AGPAT4: variants seen among roughly 807,000 people sequenced by gnomAD.
AGPAT4 encodes the protein 1-acyl-sn-glycerol-3-phosphate acyltransferase delta.
AGPAT4 carries 15 observed loss-of-function variants against 48.0 expected under a neutral mutation model. The observed-to-expected ratio is 0.31, with a 90% CI of 0.21 to 0.48. The LOEUF (loss-of-function observed/expected upper bound fraction) is 0.48. AGPAT4 is among the 20% of genes least tolerant of loss of function. The pLI, the probability that AGPAT4 is intolerant of heterozygous loss-of-function variation, is 0.99. For synonymous variants in AGPAT4, 178 were observed against 198.7 expected, an observed-to-expected ratio of 0.90 and a Z score of 0.88; for missense variants, 314 against 482.5, an observed-to-expected ratio of 0.65 and a Z score of 3.27.
intron 2 of AGPAT4, among the ~76,000 whole-genome samples, chr6:161,210,708 T>C (rs1781499273): frequency 6.6e-6 from 1 of 152,226 alleles, no homozygotes; most frequent in African/African-American, 2.4e-5. Context: ...AGCATATATT[T>C]TTGTTTGCAT....
chr6:161,197,701 G>C lies in AGPAT4; in HGVS notation c.179-31284C>G, dbSNP rs1330672741. ...AGAAGGACTGGACAGGTGGAAGGGT[G>C]GGAGGCTAGAAGGAGAGCCTGGGAA... is the stretch of plus-strand genomic sequence containing the variant. On this transcript the variant is annotated intron_variant, in intron 2 of 8. Transcript: ENST00000320285. The surrounding 1 kb of genome is among the most constrained non-coding windows in gnomAD (Gnocchi z 5.7). 1.3e-5 allele frequency among the ~76,000 whole-genome samples: 2 copies of C among 152,168 alleles called. No homozygotes were observed. The highest frequency in any genetic ancestry group is 2.9e-5 in the Non-Finnish European group (2 of 68,024).
rs896816326 is a variant in AGPAT4 at position 161,136,771 on chromosome 6, A to G, written c.1043-137T>C. On this transcript the variant is annotated intron_variant, in intron 8 of 8. Coordinates refer to ENST00000320285, the MANE Select transcript of AGPAT4 (RefSeq NM_020133.3). ...AGCTGGCTGGCGGGTTTGAGGTGCCATCATCCTGCCGGCTTTACAATCATC... is the reference window on the plus strand; with the variant it reads ...AGCTGGCTGGCGGGTTTGAGGTGCCGTCATCCTGCCGGCTTTACAATCATC... 1.0e-4 allele frequency: 68 copies of G among 677,858 alleles called. 1 individual carries two copies. The highest frequency in any genetic ancestry group is 5.8e-4 in the Middle Eastern group (2 of 3,446). The allele number at this position is 677,858 out of a possible 1,614,324, so 42.0% of individuals were successfully genotyped here.
At position 161,221,307 on chromosome 6, in the gene AGPAT4, C is replaced by A. The variant is rs1583342699; in HGVS notation, c.178+10729G>T. 6.6e-6 allele frequency among the ~76,000 whole-genome samples: 1 copy of A among 152,124 alleles called. No homozygotes were observed. Among genetic ancestry groups the A allele is most frequent in the Admixed American group, 6.5e-5 (1 of 15,278 alleles). ...TACAGTTTGTCACCTTCCTCCACGT[C>A]CAATGTCACCAGCCAGCCGCACTTT... On this transcript the variant is annotated intron_variant, in intron 2 of 8. Coordinates refer to ENST00000320285, the MANE Select transcript of AGPAT4 (RefSeq NM_020133.3). The surrounding 1 kb of genome is among the most constrained non-coding windows in gnomAD (Gnocchi z 4.5).
Position 161,204,718 on chromosome 6 carries a change from T to A in AGPAT4, c.178+27318A>T, listed in dbSNP as rs1160554927. On this transcript the variant is annotated intron_variant, in intron 2 of 8. Coordinates refer to ENST00000320285, the MANE Select transcript of AGPAT4 (RefSeq NM_020133.3). This position sits in a 1 kb window ranked among gnomAD's most constrained non-coding sequence, Gnocchi z 4.4. ...GTTCCCTAAATTCACAGAATATGAG[T>A]GCTACAGTGCCAAGCAGAGAGGATA... is the stretch of plus-strand genomic sequence containing the variant. Among the ~76,000 whole-genome samples, 4 of 151,916 alleles carry A rather than the reference T, an allele frequency of 2.6e-5. No individual in the cohort carries two copies. The highest frequency in any genetic ancestry group is 4.4e-5 in the Non-Finnish European group (3 of 67,994).
At chr6:161,170,469 GCGCGCACACACACA>G (rs1382202647) in intron 2 of AGPAT4, among the ~76,000 whole-genome samples, 1,398 of 121,558 alleles carry the variant, frequency 0.012, 7 homozygotes, top group African/African-American at 0.016. Context: ...ACACGTGCGC[GCGCGCACACACACA>G]CACACACACA....
chr6:161,153,591 G>C, intron 4 of AGPAT4, 92 bp from the exon 5 acceptor site: 1 of 1,454,398 alleles, frequency 6.9e-7, no homozygotes, highest in Non-Finnish European at 9.3e-7. Context: ...ACAGCCCCAG[G>C]GTCACATATG....
intron 2 of AGPAT4, among the ~76,000 whole-genome samples, chr6:161,187,512 T>C (rs1490532331): frequency 1.6e-5 from 1 of 62,672 alleles, no homozygotes; most frequent in Non-Finnish European, 5.4e-5. Flanking sequence ...CCCATTTATT[T>C]ATTTATTTAT....
chr6:161,166,904 C>T lies in AGPAT4; in HGVS notation c.179-487G>A. On this transcript the variant is annotated intron_variant, in intron 2 of 8. Coordinates refer to ENST00000320285, the MANE Select transcript of AGPAT4 (RefSeq NM_020133.3). The surrounding 1 kb of genome is among the most constrained non-coding windows in gnomAD (Gnocchi z 6.7). Reference sequence around the variant, plus strand: ...GAATGGAGAACGGCAGATCCAGCCGCAGGAGCCCCAGCACCTGCAGGGCAG... The same window carrying T: ...GAATGGAGAACGGCAGATCCAGCCGTAGGAGCCCCAGCACCTGCAGGGCAG... Among the ~76,000 whole-genome samples the T allele has an allele frequency of 6.6e-6, 1 of 152,168 alleles. No homozygotes were observed. Among genetic ancestry groups the T allele is most frequent in the Admixed American group, 6.5e-5 (1 of 15,280 alleles).
At chr6:161,179,249 T>C (rs1282123839) in intron 2 of AGPAT4, among the ~76,000 whole-genome samples, 2 of 152,152 alleles carry the variant, frequency 1.3e-5, no homozygotes, top group Non-Finnish European at 2.9e-5. Flanking sequence ...CCCCCAGAGT[T>C]AGGACGTGTG....
At chr6:161,188,618 TA>T (rs1303785412) in intron 2 of AGPAT4, among the ~76,000 whole-genome samples, 1 of 152,202 alleles carries the variant, frequency 6.6e-6, no homozygotes, top group Non-Finnish European at 1.5e-5. Context: ...GGACACATAC[TA>T]AAAAATCATG....
At chr6:161,151,598 T>C (rs1779594569) in intron 5 of AGPAT4, among the ~76,000 whole-genome samples, 3 of 152,242 alleles carry the variant, frequency 2.0e-5, no homozygotes, top group African/African-American at 7.2e-5. Flanking sequence ...ATGTTTATCA[T>C]GTACCAGGTG....
rs138231298 is a variant in AGPAT4 at position 161,198,109 on chromosome 6, CAT to C, written c.179-31694_179-31693del. Among the ~76,000 whole-genome samples the C allele has an allele frequency of 0.013, 2,042 of 152,256 alleles. 50 individuals carry two copies. Among genetic ancestry groups the C allele is most frequent in the African/African-American group, 0.047 (1,945 of 41,546 alleles). ...CTTTACTGTTCCATAATAAAGAACA[CAT>C]GTCTATTGTACTAACTAATATGCTT... On this transcript the variant is annotated intron_variant, in intron 2 of 8. Transcript: ENST00000320285. This position sits in a 1 kb window ranked among gnomAD's most constrained non-coding sequence, Gnocchi z 4.3.
rs143301273 is a variant in AGPAT4 at position 161,256,847 on chromosome 6, G to A, written c.-90+17091C>T. On this transcript the variant is annotated intron_variant, in intron 1 of 8. Transcript: ENST00000320285. ...TTTTCATGCATTCTGCCTAGGAGAC[G>A]AATAAGCCCACAAGACAGGCATCAA... Among the ~76,000 whole-genome samples, 13 of 152,338 alleles carry A rather than the reference G, an allele frequency of 8.5e-5. 1 individual carries two copies. Among genetic ancestry groups the A allele is most frequent in the African/African-American group, 2.9e-4 (12 of 41,574 alleles).
At position 161,270,174 on chromosome 6, in the gene AGPAT4, T is replaced by A. The variant is rs546333197; in HGVS notation, c.-90+3764A>T. Among the ~76,000 whole-genome samples, 1 of 152,244 alleles carries A rather than the reference T, an allele frequency of 6.6e-6. No individual in the cohort carries two copies. The highest frequency in any genetic ancestry group is 1.5e-5 in the Non-Finnish European group (1 of 68,042). Reference sequence around the variant, plus strand: ...AAACTGTATCTTGTTTTGCTCACAGTTGCATCTGTGGGACCTGACACCTAT... The same window carrying A: ...AAACTGTATCTTGTTTTGCTCACAGATGCATCTGTGGGACCTGACACCTAT... On this transcript the variant is annotated intron_variant, in intron 1 of 8. Transcript: ENST00000320285. The surrounding 1 kb of genome is among the most constrained non-coding windows in gnomAD (Gnocchi z 5.3).
In AGPAT4 at chr6:161,236,496, A is replaced by G. The variant is rs755019699; in HGVS notation, c.-89-4194T>C. On this transcript the variant is annotated intron_variant, in intron 1 of 8. Transcript: ENST00000320285. This position sits in a 1 kb window ranked among gnomAD's most constrained non-coding sequence, Gnocchi z 5.0. Reference sequence around the variant, plus strand: ...CTAGGGATGGGAGTGCAGGAGGCCAAATTCTACTGGGAATTCTCTTTCAAC... The same window carrying G: ...CTAGGGATGGGAGTGCAGGAGGCCAGATTCTACTGGGAATTCTCTTTCAAC... Among the ~76,000 whole-genome samples the G allele has an allele frequency of 6.6e-6, 1 of 152,112 alleles. No homozygotes were observed. The highest frequency in any genetic ancestry group is 1.5e-5 in the Non-Finnish European group (1 of 68,032).
At chr6:161,265,086 C>A (rs1275175311) in intron 1 of AGPAT4, among the ~76,000 whole-genome samples, 2 of 152,118 alleles carry the variant, frequency 1.3e-5, no homozygotes, top group African/African-American at 4.8e-5. Context: ...TGGACTAGTA[C>A]CCACTGCTGG....
chr6:161,219,888 C>T lies in AGPAT4; in HGVS notation c.178+12148G>A, dbSNP rs1439552488. Among the ~76,000 whole-genome samples the T allele has an allele frequency of 1.9e-3, 255 of 136,116 alleles. 1 individual carries two copies. Among genetic ancestry groups the T allele is most frequent in the African/African-American group, 5.6e-3 (188 of 33,364 alleles). The allele number at this position is 136,116 out of a possible 152,430, so 89.3% of individuals were successfully genotyped here. The stretch of plus-strand genomic sequence containing the variant: ...ATAGATAGATAGGCAGGCAGGCAGG[C>T]AGGCAGGCAGGCAGGCAGGCAGGCA... On this transcript the variant is annotated intron_variant, in intron 2 of 8. Transcript: ENST00000320285. This position sits in a 1 kb window ranked among gnomAD's most constrained non-coding sequence, Gnocchi z 4.9.
In AGPAT4 at chr6:161,149,073, G is replaced by T; in HGVS notation, c.767+114C>A. Reference sequence around the variant, plus strand: ...TGTCAAATTCAATGCAAAACAGACTGCAAAGAAGTCAGTGTGACCCAGGGA... The same window carrying T: ...TGTCAAATTCAATGCAAAACAGACTTCAAAGAAGTCAGTGTGACCCAGGGA... On this transcript the variant is annotated intron_variant, in intron 6 of 8. Transcript: ENST00000320285. This position sits in a 1 kb window ranked among gnomAD's most constrained non-coding sequence, Gnocchi z 6.5. The T allele has an allele frequency of 1.5e-6, 2 of 1,367,680 alleles. No homozygotes were observed. Among genetic ancestry groups the T allele is most frequent in the Non-Finnish European group, 9.7e-7 (1 of 1,027,894 alleles). 84.7% of individuals were successfully genotyped at this position (1,367,680 alleles called of 1,614,324 possible).
rs994623814 is a variant in AGPAT4, at chr6:161,133,645, C to G, written c.*2895G>C. Reference sequence around the variant, plus strand: ...AAGAAGTCCATTAAATTCCCTGCTTCTATAAGCTGCAGGAGTCGCCTAGGA... The same window carrying G: ...AAGAAGTCCATTAAATTCCCTGCTTGTATAAGCTGCAGGAGTCGCCTAGGA... On this transcript the variant is annotated 3_prime_UTR_variant, in exon 9 of 9. Transcript: ENST00000320285. 4 of 152,372 alleles carry G rather than the reference C, an allele frequency of 2.6e-5. No homozygotes were observed. The highest frequency in any genetic ancestry group is 7.2e-5 in the African/African-American group (3 of 41,584). The allele number at this position is 152,372 out of a possible 1,614,324, so 9.4% of individuals were successfully genotyped here. A position where few individuals can be genotyped will look rare whatever the true frequency, so the allele number is the denominator to read the frequency against.
Sources: gnomAD v4.1 joint callset for allele counts (sites outside exome capture counted in the v4.1 genomes callset) on GRCh38, gnomAD v4.1.1 for gene constraint, Gnocchi (gnomAD v3.1) non-coding constraint, MANE v1.5 for transcripts, NCBI Gene and HGNC (gene_info 2026-07-23, HGNC 2026-07-21) for gene names.